The following FRMD4A variants were observed in gnomAD, a reference collection of about 807,000 sequenced individuals.
FRMD4A encodes FERM domain-containing protein 4A.
FRMD4A carries 29 observed loss-of-function variants against 129.1 expected under a neutral mutation model. That is an observed-to-expected ratio of 0.22 (90% confidence interval 0.17 to 0.31). The LOEUF is 0.31. Among genes scored for constraint, FRMD4A ranks in the 10% least tolerant of loss-of-function variants. The pLI is 1.00. For synonymous variants in FRMD4A, 634 were observed against 571.6 expected, an observed-to-expected ratio of 1.11 and a Z score of -1.56; for missense variants, 1,272 against 1,375.8, an observed-to-expected ratio of 0.92 and a Z score of 1.19.
At chr10:14,124,958 G>T (rs905171220) in intron 2 of FRMD4A, among the ~76,000 whole-genome samples, 17 of 152,182 alleles carry the variant, frequency 1.1e-4, no homozygotes, top group African/African-American at 3.9e-4. Context: ...TTTGGAGAAG[G>T]ACAGAAAGAC....
chr10:14,089,630 C>CAAAAAAAAAAAAAAA (rs59553317), intron 2 of FRMD4A, among the ~76,000 whole-genome samples: 3 of 130,796 alleles, frequency 2.3e-5, no homozygotes, highest in African/African-American at 6.0e-5. Context: ...AAAAAAAAAA[C>CAAAAAAAAAAAAAAA]AAAAAAAAAC....
intron 4 of FRMD4A, among the ~76,000 whole-genome samples, chr10:13,809,945 G>T (rs2093418272): frequency 1.3e-5 from 2 of 152,204 alleles, no homozygotes; most frequent in African/African-American, 4.8e-5. Flanking sequence ...ATGCCCACCT[G>T]TTCTTGCTTC....
chr10:14,262,809 A>T (rs367866740), intron 2 of FRMD4A, among the ~76,000 whole-genome samples: 1 of 152,188 alleles, frequency 6.6e-6, no homozygotes, highest in Non-Finnish European at 1.5e-5. Flanking sequence ...GTTCATGAGG[A>T]TGTAGGTGCA....
intron 2 of FRMD4A, among the ~76,000 whole-genome samples, chr10:13,983,809 C>T (rs1043969851): frequency 2.6e-5 from 4 of 151,282 alleles, no homozygotes; most frequent in African/African-American, 7.3e-5. Flanking sequence ...AGACCAAATT[C>T]GCCAATGTGG....
intron 6 of FRMD4A, among the ~76,000 whole-genome samples, chr10:13,764,151 G>A (rs2092185144): frequency 6.6e-6 from 1 of 151,150 alleles, no homozygotes; most frequent in South Asian, 2.1e-4. Flanking sequence ...CACAACCAAG[G>A]TAATAAACAT....
At chr10:14,256,254 A>G (rs918959043) in intron 2 of FRMD4A, among the ~76,000 whole-genome samples, 11 of 152,110 alleles carry the variant, frequency 7.2e-5, no homozygotes, top group Non-Finnish European at 1.6e-4. Context: ...CCAGATGATG[A>G]AAACTATAAA....
chr10:14,327,669 C>T (rs574964337), intron 2 of FRMD4A, among the ~76,000 whole-genome samples: 30 of 152,238 alleles, frequency 2.0e-4, no homozygotes, highest in Non-Finnish European at 4.1e-4. Context: ...TATCCAAAAG[C>T]AAGGGGTGTG....
Position 14,314,949 on chromosome 10 carries a change from G to GTTT in FRMD4A, c.45+15106_45+15108dup, listed in dbSNP as rs11447715. On this transcript the variant is annotated intron_variant, in intron 2 of 24. Transcript: ENST00000357447. ...ATGTGATTGGCGAATCTTATATATA[G>GTTT]TTTTTTTTTTAATTTTTACTTTCCT... Among the ~76,000 whole-genome samples the GTTT allele has an allele frequency of 3.6e-3, 534 of 150,026 alleles. 3 individuals carry two copies. Among genetic ancestry groups the GTTT allele is most frequent in the African/African-American group, 0.012 (503 of 40,962 alleles).
rs115464227 is a variant in FRMD4A at position 14,109,553 on chromosome 10, A to G, written c.45+220505T>C. ...TGAACATATTCTCCTGCCGCAGAACAAAATACATAATCCAGTGTGTTTCCC... is the reference window on the plus strand; with the variant it reads ...TGAACATATTCTCCTGCCGCAGAACGAAATACATAATCCAGTGTGTTTCCC... On this transcript the variant is annotated intron_variant, in intron 2 of 24. Transcript: ENST00000357447. Among the ~76,000 whole-genome samples, 764 of 152,350 alleles carry G rather than the reference A, an allele frequency of 5.0e-3. 8 individuals carry two copies. The highest frequency in any genetic ancestry group is 0.036 in the East Asian group (189 of 5,182).
chr10:13,841,287 C>T (rs1362407419), intron 3 of FRMD4A, among the ~76,000 whole-genome samples: 1 of 152,124 alleles, frequency 6.6e-6, no homozygotes, highest in Non-Finnish European at 1.5e-5. Flanking sequence ...TGGCTTTTGT[C>T]CCTGATTTTG....
intron 3 of FRMD4A, among the ~76,000 whole-genome samples, chr10:13,812,599 C>T (rs940902547): frequency 3.9e-5 from 6 of 152,202 alleles, no homozygotes; most frequent in African/African-American, 1.2e-4. Flanking sequence ...AACAGGGACA[C>T]GGAGTAAGAG....
At chr10:14,165,985 C>T (rs548500523) in intron 2 of FRMD4A, among the ~76,000 whole-genome samples, 1 of 152,022 alleles carries the variant, frequency 6.6e-6, no homozygotes, top group South Asian at 2.1e-4. Context: ...ACAAACGTAT[C>T]CATGTGCCCC....
At chr10:13,953,793 G>A (rs1232026633) in intron 2 of FRMD4A, among the ~76,000 whole-genome samples, 3 of 152,188 alleles carry the variant, frequency 2.0e-5, no homozygotes, top group African/African-American at 7.2e-5. Flanking sequence ...TGTATATATA[G>A]TGTATATAGG....
At chr10:13,942,859 G>C (rs1051653452) in intron 2 of FRMD4A, among the ~76,000 whole-genome samples, 4 of 152,082 alleles carry the variant, frequency 2.6e-5, no homozygotes, top group Admixed American at 6.5e-5. Flanking sequence ...CTTGAACCCA[G>C]GAGGTGGAGG....
At chr10:13,723,570 T>G (rs1320069652) in intron 12 of FRMD4A, among the ~76,000 whole-genome samples, 1 of 152,178 alleles carries the variant, frequency 6.6e-6, no homozygotes, top group Non-Finnish European at 1.5e-5. Flanking sequence ...TGAAAAATGG[T>G]TATGATGGTA....
chr10:13,921,718 C>A (rs992660361), intron 2 of FRMD4A, among the ~76,000 whole-genome samples: 2 of 152,186 alleles, frequency 1.3e-5, no homozygotes, highest in African/African-American at 4.8e-5. Flanking sequence ...CAGGCCATAG[C>A]AGCACATAAG....
chr10:14,299,500 T>C (rs1229075017), intron 2 of FRMD4A, among the ~76,000 whole-genome samples: 1 of 152,222 alleles, frequency 6.6e-6, no homozygotes, highest in East Asian at 1.9e-4. Flanking sequence ...TTTCACCCCG[T>C]GTGGCAAGTG....
chr10:14,160,210 T>C (rs546368917), intron 2 of FRMD4A, among the ~76,000 whole-genome samples: 1 of 152,304 alleles, frequency 6.6e-6, no homozygotes, highest in South Asian at 2.1e-4. Context: ...GAACATACAT[T>C]GAGGAACGAA....
chr10:13,714,059 T>TATATATATATATATATATATAA lies in FRMD4A; in HGVS notation c.760-6947_760-6946insTTATATATATATATATATATAT, dbSNP rs1207471495. On this transcript the variant is annotated intron_variant, in intron 12 of 24. Coordinates refer to ENST00000357447, the MANE Select transcript of FRMD4A (RefSeq NM_018027.5). ...ATATATATATATATATATATATATATAAAATATACTTTTTTTTTGAGACAC... is the reference window on the plus strand; with the variant it reads ...ATATATATATATATATATATATATATATATATATATATATATATATAAAAAATATACTTTTTTTTTGAGACAC... Among the ~76,000 whole-genome samples the TATATATATATATATATATATAA allele has an allele frequency of 2.0e-3, 207 of 101,274 alleles. 15 individuals carry two copies. Among genetic ancestry groups the TATATATATATATATATATATAA allele is most frequent in the Admixed American group, 2.6e-3 (21 of 8,106 alleles). 66.4% of individuals were successfully genotyped at this position (101,274 alleles called of 152,430 possible).
Sources: allele counts gnomAD v4.1 joint callset (sites outside exome capture counted in the v4.1 genomes callset), GRCh38; gene constraint gnomAD v4.1.1; transcripts MANE v1.5; gene names NCBI Gene and HGNC (gene_info 2026-07-23, HGNC 2026-07-21).